Variants in PLXNA4 observed in about 807,000 individuals in gnomAD.
PLXNA4 encodes the protein plexin A4.
Under a neutral mutation model 191.8 loss-of-function variants are expected in PLXNA4, and 44 were observed. That is an observed-to-expected ratio of 0.23 (90% CI 0.18 to 0.29). The LOEUF (loss-of-function observed/expected upper bound fraction) is 0.29, where lower values mean the gene tolerates loss of function less well. Ranked by LOEUF, PLXNA4 falls within the 10% of genes least tolerant of loss-of-function variation. The pLI is 1.00. For synonymous variants in PLXNA4, 1,082 were observed against 1,009.5 expected, an observed-to-expected ratio of 1.07 and a Z score of -1.36; for missense variants, 1,800 against 2,488.8, an observed-to-expected ratio of 0.72 and a Z score of 5.89.
chr7:132,201,874 G>A (rs775910916), intron 12 of PLXNA4, among the ~76,000 whole-genome samples: 3 of 152,198 alleles, frequency 2.0e-5, no homozygotes, highest in Non-Finnish European at 2.9e-5. Context: ...TGAGTGAGGA[G>A]GCTGGTGAGA....
At chr7:132,505,396 T>C (rs1798423726) in intron 2 of PLXNA4, among the ~76,000 whole-genome samples, 1 of 152,156 alleles carries the variant, frequency 6.6e-6, no homozygotes, top group Admixed American at 6.5e-5. Flanking sequence ...CCCAAGAGCA[T>C]CGCCCAAAAA....
Position 132,331,309 on chromosome 7 carries a change from AAAC to A in PLXNA4, c.1372-33090_1372-33088del, listed in dbSNP as rs143344603. On this transcript the variant is annotated intron_variant, in intron 3 of 31. Coordinates refer to ENST00000321063, the MANE Select transcript of PLXNA4 (RefSeq NM_020911.2). ...CCAGCTGGGGCTGGCAGAGGGGCTG[AAAC>A]ACCGCTGCACACAGCCTCACCTTTG... 1.3e-4 allele frequency among the ~76,000 whole-genome samples: 20 copies of A among 152,386 alleles called. No individual in the cohort carries two copies. The East Asian group carries it at 3.7e-3, about 28-fold the overall frequency.
chr7:132,365,556 C>T (rs547070042), intron 3 of PLXNA4, among the ~76,000 whole-genome samples: 6 of 152,092 alleles, frequency 3.9e-5, no homozygotes, highest in Admixed American at 1.3e-4. Context: ...TCCATCATTC[C>T]GGAACTGTGG....
intron 6 of PLXNA4, 37 bp downstream of exon 6, chr7:132,228,309 C>T: frequency 6.2e-7 from 1 of 1,611,428 alleles, no homozygotes; most frequent in South Asian, 1.1e-5. Flanking sequence ...GTTTTCCTTG[C>T]ATCCCTGGAC....
chr7:132,601,254 G>T (rs1802814088), intron 2 of PLXNA4, among the ~76,000 whole-genome samples: 1 of 147,196 alleles, frequency 6.8e-6, no homozygotes, highest in Non-Finnish European at 1.5e-5. Flanking sequence ...AACCTCCAGA[G>T]GTCATATAAT....
rs1410724153 is a variant in PLXNA4, at chr7:132,179,689, T to G, written c.3872A>C (p.Glu1291Ala). ...LESRVALECK[E>A]AFAELQTDIH... Reference sequence around the variant, plus strand: ...TCCAGCATGGGGCCACTCAGTACCTTCCTTGCACTCCAGGGCCACACGGGA... The same window carrying G: ...TCCAGCATGGGGCCACTCAGTACCTGCCTTGCACTCCAGGGCCACACGGGA... The change falls in exon 20 of 32, where the codon GAA (glutamate) becomes GCA (alanine). Residue 1291 changes from glutamate (E) to alanine (A), a missense_variant and splice_region_variant. Transcript: ENST00000321063. The G allele has an allele frequency of 6.2e-7, 1 of 1,612,476 alleles. No homozygotes were observed.
At chr7:132,356,523 C>T (rs938516631) in intron 3 of PLXNA4, among the ~76,000 whole-genome samples, 4 of 152,186 alleles carry the variant, frequency 2.6e-5, no homozygotes, top group African/African-American at 7.2e-5. Context: ...AGGGCAAACC[C>T]CTGCAAGGAT....
intron 2 of PLXNA4, among the ~76,000 whole-genome samples, chr7:132,591,872 C>G (rs1399957112): frequency 6.6e-6 from 1 of 152,172 alleles, no homozygotes; most frequent in Non-Finnish European, 1.5e-5. Flanking sequence ...TCCCAGAAAA[C>G]AGGATTACAG....
chr7:132,333,283 A>T (rs116351182), intron 3 of PLXNA4, among the ~76,000 whole-genome samples: 1 of 152,162 alleles, frequency 6.6e-6, no homozygotes, highest in African/African-American at 2.4e-5. Flanking sequence ...CTCCCACCCA[A>T]TGACAATTTG....
Position 132,180,569 on chromosome 7 carries a change from G to A in PLXNA4, c.3639+17C>T, listed in dbSNP as rs200453597. 360 of 1,613,996 alleles carry A rather than the reference G, an allele frequency of 2.2e-4. 2 individuals are homozygous for A. In the African/African-American group the frequency reaches 4.6e-3, roughly 21 times the overall value. ...CTACTGCCCGCTCCATCCAGGATGG[G>A]GTTCTGCCAGCCTCACCATCACTTT... On this transcript the variant is annotated intron_variant, in intron 19 of 31. Coordinates refer to ENST00000321063, the MANE Select transcript of PLXNA4 (RefSeq NM_020911.2).
chr7:132,438,326 A>G (rs955967443), intron 3 of PLXNA4, among the ~76,000 whole-genome samples: 5 of 152,244 alleles, frequency 3.3e-5, no homozygotes, highest in Non-Finnish European at 5.9e-5. Flanking sequence ...ATGATAAAGC[A>G]CGGGACATAG....
At chr7:132,147,584 G>A (rs1795473313) in intron 27 of PLXNA4, among the ~76,000 whole-genome samples, 1 of 152,090 alleles carries the variant, frequency 6.6e-6, no homozygotes, top group East Asian at 1.9e-4. Context: ...TGCATAATAG[G>A]GGGAAATAAT....
intron 1 of PLXNA4, among the ~76,000 whole-genome samples, chr7:132,572,276 C>T (rs1020457316): frequency 4.6e-5 from 7 of 152,016 alleles, no homozygotes; most frequent in South Asian, 2.1e-4. Flanking sequence ...AAATAGGGAC[C>T]GTAATAGCCT....
chr7:132,374,031 G>A (rs1160351894), intron 3 of PLXNA4, among the ~76,000 whole-genome samples: 2 of 152,210 alleles, frequency 1.3e-5, no homozygotes, highest in Admixed American at 1.3e-4. Flanking sequence ...TGCCAGTCCA[G>A]CAACACACAA....
intron 5 of PLXNA4, among the ~76,000 whole-genome samples, chr7:132,231,022 A>G (rs990906119): frequency 2.0e-5 from 3 of 152,186 alleles, no homozygotes; most frequent in African/African-American, 7.2e-5. Flanking sequence ...CTGCTTCCAA[A>G]GTTCATGGGG....
intron 3 of PLXNA4, among the ~76,000 whole-genome samples, chr7:132,341,684 C>T (rs1437524948): frequency 1.3e-5 from 2 of 152,190 alleles, no homozygotes; most frequent in Non-Finnish European, 2.9e-5. Context: ...GGCTGGTCCT[C>T]ACATTCCATT....
intron 2 of PLXNA4, among the ~76,000 whole-genome samples, chr7:132,614,833 G>A (rs1274492404): frequency 1.3e-5 from 2 of 152,232 alleles, no homozygotes; most frequent in Non-Finnish European, 2.9e-5. Flanking sequence ...GCGGAGAAAA[G>A]CAAGCTGCAG....
chr7:132,450,784 G>A (rs1274051417), intron 3 of PLXNA4, among the ~76,000 whole-genome samples: 1 of 152,172 alleles, frequency 6.6e-6, no homozygotes, highest in Non-Finnish European at 1.5e-5. Context: ...CTGAGATTCT[G>A]GAGTATTTCT....
intron 2 of PLXNA4, among the ~76,000 whole-genome samples, chr7:132,602,180 G>A (rs1218933075): frequency 6.6e-6 from 1 of 152,196 alleles, no homozygotes; most frequent in Non-Finnish European, 1.5e-5. Context: ...GAGGTAATTA[G>A]ACTCCCTGTT....
Sources: gnomAD v4.1 joint callset for allele counts (sites outside exome capture counted in the v4.1 genomes callset) on GRCh38, gnomAD v4.1.1 for gene constraint, MANE v1.5 for transcripts, NCBI Gene and HGNC (gene_info 2026-07-23, HGNC 2026-07-21) for gene names.